The following HUWE1 variants were observed in gnomAD, a reference collection of about 807,000 sequenced individuals.
The protein encoded by HUWE1 is E3 ubiquitin-protein ligase HUWE1.
A neutral mutation model predicts 299.4 loss-of-function variants in HUWE1; 18 were observed. The ratio of observed to expected loss-of-function variants is 0.06; its 90% confidence interval spans 0.04 to 0.09. HUWE1 has a LOEUF of 0.09. Among genes scored for constraint, HUWE1 ranks in the 10% least tolerant of loss-of-function variants. The probability of loss-of-function intolerance (pLI) is 1.00; values close to 1 mark genes in which losing one functional copy is unlikely to be tolerated. For missense variants in HUWE1, 1,832 were observed against 3,462.3 expected (o/e 0.53, Z 11.82); for synonymous variants, 1,317 against 1,286.1 (o/e 1.02, Z -0.51).
At chrX:53,650,606 C>T (rs782706052) in intron 4 of HUWE1, among the ~76,000 whole-genome samples, 1 of 112,345 alleles carries the variant, frequency 8.9e-6, no homozygotes, top group Non-Finnish European at 1.9e-5. Flanking sequence ...TTTGCCAGTT[C>T]GATAGCTCAA....
chrX:53,560,478 G>T, intron 55 of HUWE1, 62 bp from the exon 56 acceptor site: 2 of 1,001,388 alleles, frequency 2.0e-6, no homozygotes, highest in Non-Finnish European at 2.8e-6. Context: ...GTTTGTTCAA[G>T]CAGAATCATG....
rs1372646503 is a variant in HUWE1, at chrX:53,645,737, ATATATATATATATATAT to A, written c.352-291_352-275del. On this transcript the variant is annotated intron_variant, in intron 6 of 83. Coordinates refer to ENST00000262854, the MANE Select transcript of HUWE1 (RefSeq NM_031407.7). ...CAAAAAAAGAAAAAAAAAAAAAAAA[ATATATATATATATATAT>A]ATATATATATATATATATATATGTA... 2.1e-4 allele frequency among the ~76,000 whole-genome samples: 8 copies of A among 38,309 alleles called. 1 individual carries two copies. Among genetic ancestry groups the A allele is most frequent in the African/African-American group, 3.8e-4 (4 of 10,452 alleles). The allele number at this position is 38,309 out of a possible 115,157, so 33.3% of individuals were successfully genotyped here.
At chrX:53,578,751 C>T (rs1302521699) in intron 43 of HUWE1, among the ~76,000 whole-genome samples, 2 of 64,553 alleles carry the variant, frequency 3.1e-5, no homozygotes, top group Admixed American at 3.2e-4. Context: ...GCCGCCCCTA[C>T]TGGGAAGTGA....
At chrX:53,594,652 CCTT>C (rs782159960) in intron 30 of HUWE1, 31 bp from the exon 31 acceptor site, 1 of 1,201,909 alleles carries the variant, frequency 8.3e-7, no homozygotes, top group Non-Finnish European at 1.1e-6. Context: ...AAAACTTTAA[CCTT>C]CTGTAAAGCA....
At position 53,659,795 on chromosome X, in the gene HUWE1, G is replaced by A. The variant is rs781983368; in HGVS notation, c.-24-5664C>T. Among the ~76,000 whole-genome samples, 10 of 111,959 alleles carry A rather than the reference G, an allele frequency of 8.9e-5. No individual in the cohort carries two copies. In the East Asian group the frequency reaches 2.8e-3, roughly 31 times the overall value. On this transcript the variant is annotated intron_variant, in intron 3 of 83. Coordinates refer to ENST00000262854, the MANE Select transcript of HUWE1 (RefSeq NM_031407.7). ...GGCTATGCCTGTGTGGAGGCAGGCA[G>A]TATATGGGAAATTTCTGTACCTTCT...
intron 74 of HUWE1, among the ~76,000 whole-genome samples, chrX:53,540,035 C>T (rs1254599110): frequency 6.2e-5 from 7 of 112,147 alleles, no homozygotes; most frequent in Non-Finnish European, 1.1e-4. Flanking sequence ...TCCTCAGTTG[C>T]GCTAGCCACA....
At chrX:53,674,728 T>C (rs1206083410) in intron 3 of HUWE1, among the ~76,000 whole-genome samples, 2 of 111,727 alleles carry the variant, frequency 1.8e-5, no homozygotes, top group Admixed American at 1.9e-4. Flanking sequence ...TTTGTGTGAT[T>C]TGCAAGTCTC....
rs1442888739 is a variant in HUWE1, at chrX:53,625,386, G to A, written c.1490-128C>T. 4 of 480,274 alleles carry A rather than the reference G, an allele frequency of 8.3e-6. No individual in the cohort carries two copies. The African/African-American group carries it at 9.5e-5, about 11-fold the overall frequency. The allele number at this position is 480,274 out of a possible 1,213,427, so 39.6% of individuals were successfully genotyped here. On this transcript the variant is annotated intron_variant, in intron 17 of 83. Transcript: ENST00000262854. ...AAAATTAGAAGACATTCGAAGTGAG[G>A]TCTCTGAATGTTAGGAAGAATACTT... is the stretch of plus-strand genomic sequence containing the variant.
intron 3 of HUWE1, among the ~76,000 whole-genome samples, chrX:53,676,302 C>T (rs1290365003): frequency 9.0e-6 from 1 of 111,151 alleles, no homozygotes; most frequent in Non-Finnish European, 1.9e-5. Context: ...CACATCATAA[C>T]TGATATAGGT....
chrX:53,600,873 T>C (rs1243580590), intron 28 of HUWE1, among the ~76,000 whole-genome samples: 8 of 112,554 alleles, frequency 7.1e-5, no homozygotes, highest in South Asian at 3.7e-4. Context: ...TGAGTCGTTT[T>C]TGTTAAATGT....
chrX:53,579,255 G>A (rs1242069456), intron 43 of HUWE1, among the ~76,000 whole-genome samples: 2 of 82,042 alleles, frequency 2.4e-5, no homozygotes, highest in Admixed American at 2.5e-4. Flanking sequence ...GGGCGCCTCT[G>A]CCCGGCCGCC....
chrX:53,551,007 A>C lies in HUWE1; in HGVS notation c.9279T>G (p.Ala3093=). Residue 3093 remains alanine, a synonymous_variant, in exon 65 of 84, where the codon GCT becomes GCG. Transcript: ENST00000262854. ...CTTCTTGCTCTCGTCTCAGGGCTTG[A>C]GCCTCAGCTGCAATGTCAGGTGGCA... ...AVMPPDIAAE[A]QALRREQEAR... is the part of the protein sequence containing the mutation. 6.6e-6 allele frequency: 8 copies of C among 1,211,428 alleles called. No homozygotes were observed. The highest frequency in any genetic ancestry group is 8.9e-6 in the Non-Finnish European group (8 of 895,409).
At chrX:53,629,436 C>T in intron 13 of HUWE1, 80 bp downstream of exon 13, 16 of 648,357 alleles carry the variant, frequency 2.5e-5, no homozygotes, top group Non-Finnish European at 3.4e-5. Flanking sequence ...TCCCCTCCCC[C>T]CCCAAAAAAG....
intron 83 of HUWE1, 121 bp downstream of exon 83, chrX:53,533,886 G>A: frequency 3.0e-6 from 2 of 670,768 alleles, no homozygotes; most frequent in African/African-American, 2.1e-5. Flanking sequence ...CAAATTGTGA[G>A]TTACCCAAGG....
intron 81 of HUWE1, among the ~76,000 whole-genome samples, chrX:53,535,061 C>T (rs1027730519): frequency 6.3e-5 from 7 of 110,302 alleles, no homozygotes; most frequent in East Asian, 2.9e-4. Flanking sequence ...CTCAGTCTCC[C>T]GAGTAGCTGG....
intron 29 of HUWE1, among the ~76,000 whole-genome samples, chrX:53,597,167 TAGAA>T (rs2064530110): frequency 9.0e-6 from 1 of 111,322 alleles, no homozygotes; most frequent in Non-Finnish European, 1.9e-5. Context: ...TTGATAATTT[TAGAA>T]AGAGATTTGG....
intron 46 of HUWE1, 117 bp from the exon 47 acceptor site, chrX:53,574,081 T>C (rs782719846): frequency 1.7e-6 from 1 of 592,764 alleles, no homozygotes; most frequent in Admixed American, 2.6e-5. Flanking sequence ...ACAAACTGAA[T>C]GCTCTCGTGA....
rs1556981517 is a variant in HUWE1, at chrX:53,593,572, C to T, written c.3533G>A (p.Gly1178Asp). The T allele has an allele frequency of 8.3e-7, 1 of 1,208,702 alleles. No homozygotes were observed. Among genetic ancestry groups the T allele is most frequent in the Non-Finnish European group, 1.1e-6 (1 of 892,692 alleles). The change falls in exon 32 of 84, where the codon GGT becomes GAT. Residue 1178 changes from glycine (G) to aspartate (D), a missense_variant. Physicochemically the swap from Gly to Asp is moderately conservative, Grantham distance 94. Transcript: ENST00000262854. ...ETFNWALSMG[G>D]KVPVSEGLEH... ...CAATCCCTCAGAAACAGGAACTTTACCTCCCATGGACAGAGCCCAGTTGAA... is the reference window on the plus strand; with the variant it reads ...CAATCCCTCAGAAACAGGAACTTTATCTCCCATGGACAGAGCCCAGTTGAA...
At chrX:53,533,984 G>A (rs1556909095) in intron 83 of HUWE1, 23 bp downstream of exon 83, 2 of 1,195,933 alleles carry the variant, frequency 1.7e-6, no homozygotes, top group Non-Finnish European at 2.3e-6. Flanking sequence ...CACTGAAAAG[G>A]AGAAACAAAC....
Sources: gnomAD v4.1 joint callset for allele counts (sites outside exome capture counted in the v4.1 genomes callset) on GRCh38, gnomAD v4.1.1 for gene constraint, MANE v1.5 for transcripts, NCBI Gene and HGNC (gene_info 2026-07-23, HGNC 2026-07-21) for gene names.